GALNT2: variants seen among roughly 807,000 people sequenced by gnomAD.
GALNT2 encodes the protein polypeptide N-acetylgalactosaminyltransferase 2.
A neutral mutation model predicts 81.4 loss-of-function variants in GALNT2; 31 were observed. That is an observed-to-expected ratio of 0.38 (90% CI 0.29 to 0.51). The LOEUF (loss-of-function observed/expected upper bound fraction) is 0.51, where lower values mean the gene tolerates loss of function less well. Among genes scored for constraint, GALNT2 ranks in the 20% least tolerant of loss-of-function variants. The pLI is 0.87. For missense variants in GALNT2, 629 were observed against 765.7 expected, an observed-to-expected ratio of 0.82 and a Z score of 2.11; for synonymous variants, 303 against 287.4, an observed-to-expected ratio of 1.05 and a Z score of -0.55.
At chr1:230,109,567 C>T (rs1660642431) in intron 1 of GALNT2, among the ~76,000 whole-genome samples, 1 of 152,210 alleles carries the variant, frequency 6.6e-6, no homozygotes, top group Admixed American at 6.5e-5. Flanking sequence ...GTGGCTCACG[C>T]ATGTAATCCC....
chr1:230,132,597 C>CT (rs1661403452), intron 1 of GALNT2, among the ~76,000 whole-genome samples: 1 of 152,168 alleles, frequency 6.6e-6, no homozygotes, highest in Non-Finnish European at 1.5e-5. Flanking sequence ...GACATGCAGA[C>CT]TGTCTTGGAA....
intron 3 of GALNT2, among the ~76,000 whole-genome samples, chr1:230,215,037 G>A (rs1664345683): frequency 6.6e-6 from 1 of 152,178 alleles, no homozygotes; most frequent in Non-Finnish European, 1.5e-5. Flanking sequence ...CTGGCAGGCA[G>A]TTAAAATAGG....
intron 1 of GALNT2, among the ~76,000 whole-genome samples, chr1:230,073,897 C>T (rs1354633501): frequency 2.0e-5 from 3 of 152,134 alleles, no homozygotes; most frequent in African/African-American, 7.2e-5. Flanking sequence ...CTCTGCTGAC[C>T]ACCTCCTCCT....
At chr1:230,186,295 C>G (rs1169672631) in intron 2 of GALNT2, among the ~76,000 whole-genome samples, 1 of 152,138 alleles carries the variant, frequency 6.6e-6, no homozygotes, top group Non-Finnish European at 1.5e-5. Context: ...CCACCTACAC[C>G]AGATGCAGGT....
intron 2 of GALNT2, among the ~76,000 whole-genome samples, chr1:230,199,195 C>T (rs751989259): frequency 3.9e-5 from 6 of 152,050 alleles, no homozygotes; most frequent in Non-Finnish European, 7.4e-5. Context: ...TATATTCAGA[C>T]GTTTTGTTGG....
At chr1:230,149,568 G>A (rs1298831714) in intron 1 of GALNT2, among the ~76,000 whole-genome samples, 1 of 152,140 alleles carries the variant, frequency 6.6e-6, no homozygotes, top group African/African-American at 2.4e-5. Context: ...TGCAACAAGC[G>A]GTTGAGGGAC....
chr1:230,201,037 C>T (rs770842375), intron 2 of GALNT2, among the ~76,000 whole-genome samples: 4 of 152,094 alleles, frequency 2.6e-5, no homozygotes, highest in Non-Finnish European at 4.4e-5. Context: ...CGCTCTTGAG[C>T]GCAGGTAGGT....
intron 2 of GALNT2, among the ~76,000 whole-genome samples, chr1:230,199,611 G>A (rs1663823188): frequency 6.6e-6 from 1 of 152,208 alleles, no homozygotes; most frequent in Admixed American, 6.5e-5. Flanking sequence ...TGTTAAAAGT[G>A]TGTCATTGTC....
At chr1:230,097,828 A>G (rs771122957) in intron 1 of GALNT2, among the ~76,000 whole-genome samples, 1 of 152,200 alleles carries the variant, frequency 6.6e-6, no homozygotes, top group South Asian at 2.1e-4. Context: ...CCAAATGTAC[A>G]TTATATTTTT....
At chr1:230,207,948 C>T (rs1434533223) in intron 3 of GALNT2, among the ~76,000 whole-genome samples, 1 of 152,180 alleles carries the variant, frequency 6.6e-6, no homozygotes, top group Admixed American at 6.5e-5. Context: ...TAGTTGTTAT[C>T]TATCTTGGCG....
intron 1 of GALNT2, among the ~76,000 whole-genome samples, chr1:230,137,057 T>C (rs1432181609): frequency 3.3e-5 from 5 of 152,232 alleles, no homozygotes; most frequent in Admixed American, 1.3e-4. Context: ...AGGCTGATTC[T>C]TTCCTGCTGG....
Position 230,262,650 on chromosome 1 carries a change from A to G in GALNT2, c.1214A>G (p.Asn405Ser). The G allele has an allele frequency of 6.2e-7, 1 of 1,612,130 alleles. No homozygotes were observed. ...FYYAAVPSAR[N>S]VPYGNIQSRL... is the part of the protein sequence containing the mutation. ...TATGCAGCAGTGCCTTCTGCTAGAA[A>G]CGTTCCTTATGGAAAGTAAGTGGCA... The change falls in exon 12 of 16, where the codon AAC becomes AGC. Residue 405 changes from asparagine to serine, a missense_variant. By Grantham distance (46) the Asn-to-Ser change is conservative. Coordinates refer to ENST00000366672, the MANE Select transcript of GALNT2 (RefSeq NM_004481.5).
chr1:230,123,316 A>G (rs1317520219), intron 1 of GALNT2, among the ~76,000 whole-genome samples: 1 of 152,210 alleles, frequency 6.6e-6, no homozygotes, highest in Admixed American at 6.5e-5. Context: ...TTAGAGGATG[A>G]ACATTATGCT....
At chr1:230,263,190 G>GCA (rs1665930191) in intron 13 of GALNT2, 185 bp downstream of exon 13, 1 of 601,098 alleles carries the variant, frequency 1.7e-6, no homozygotes, top group African/African-American at 1.9e-5. Flanking sequence ...TTGGCCTGCT[G>GCA]CTGTCTCTGT....
chr1:230,115,047 C>T (rs1352766909), intron 1 of GALNT2, among the ~76,000 whole-genome samples: 1 of 144,642 alleles, frequency 6.9e-6, no homozygotes, highest in Non-Finnish European at 1.5e-5. Context: ...ACTCTGTCAC[C>T]CAGGCTGGAG....
intron 1 of GALNT2, among the ~76,000 whole-genome samples, chr1:230,083,441 A>G (rs1311880737): frequency 1.4e-5 from 2 of 143,190 alleles, no homozygotes; most frequent in Admixed American, 7.0e-5. Flanking sequence ...ATGATGGAGC[A>G]GGGAGCTGGG....
intron 1 of GALNT2, among the ~76,000 whole-genome samples, chr1:230,079,546 G>A (rs957277919): frequency 6.6e-6 from 1 of 152,258 alleles, no homozygotes; most frequent in Non-Finnish European, 1.5e-5. Flanking sequence ...CCTGGTCTTA[G>A]TAAAGCTATA....
chr1:230,265,100 G>C (rs1487932189), intron 13 of GALNT2, 141 bp from the exon 14 acceptor site: 3 of 1,024,646 alleles, frequency 2.9e-6, no homozygotes, highest in Non-Finnish European at 4.5e-6. Context: ...ACTACCTGTG[G>C]TAGGAAGAGG....
chr1:230,264,226 C>CT (rs1665965166), intron 13 of GALNT2: 1 of 152,418 alleles, frequency 6.6e-6, no homozygotes, highest in African/African-American at 2.4e-5. Flanking sequence ...CATTCTGCCT[C>CT]TGTGTCTGGC....
Sources: gnomAD v4.1 joint callset for allele counts (sites outside exome capture counted in the v4.1 genomes callset) on GRCh38, gnomAD v4.1.1 for gene constraint, MANE v1.5 for transcripts, NCBI Gene and HGNC (gene_info 2026-07-23, HGNC 2026-07-21) for gene names.